The following TSEN54 variants were observed in gnomAD, a reference collection of about 807,000 sequenced individuals.
TSEN54 encodes the protein tRNA-splicing endonuclease subunit Sen54.
Under a neutral mutation model 61.9 loss-of-function variants are expected in TSEN54, and 55 were observed. The observed-to-expected ratio is 0.89, with a 90% CI of 0.72 to 1.11. The LOEUF (loss-of-function observed/expected upper bound fraction) is 1.11, where lower values mean the gene tolerates loss of function less well. Ranked by LOEUF, TSEN54 falls within the 50% of genes most tolerant of loss-of-function variation. The probability of loss-of-function intolerance (pLI) is 0.00; values close to 1 mark genes in which losing one functional copy is unlikely to be tolerated. For synonymous variants in TSEN54, 304 were observed against 288.7 expected (o/e 1.05, Z -0.54); for missense variants, 760 against 687.7 (o/e 1.11, Z -1.18).
At position 75,516,881 on chromosome 17, in the gene TSEN54, G is replaced by A; in HGVS notation, c.192G>A (p.Gln64=). The change falls in exon 2 of 11, where the codon CAG becomes CAA. Residue 64 remains glutamine, a synonymous_variant. Transcript: ENST00000333213. The part of the protein sequence containing the change: ...RLRRCREELW[Q]LLAEQRVERL... The stretch of plus-strand genomic sequence containing the variant: ...GCCGGTGCCGGGAAGAGCTCTGGCA[G>A]CTGCTGGCAGAGCAGCGCGTGGAGC... The A allele has an allele frequency of 2.6e-6, 4 of 1,557,036 alleles. No homozygotes were observed. Among genetic ancestry groups the A allele is most frequent in the Non-Finnish European group, 3.5e-6 (4 of 1,157,402 alleles).
chr17:75,519,575 CTTTTT>C (rs944415998), intron 6 of TSEN54, among the ~76,000 whole-genome samples: 105 of 152,204 alleles, frequency 6.9e-4, no homozygotes, highest in African/African-American at 2.1e-3. Flanking sequence ...CTTTTCTTTT[CTTTTT>C]GAGACGGAGT....
chr17:75,516,742 C>T lies in TSEN54; in HGVS notation c.57-4C>T, dbSNP rs2053371781. 1.3e-6 allele frequency: 2 copies of T among 1,555,378 alleles called. No homozygotes were observed. Among genetic ancestry groups the T allele is most frequent in the Non-Finnish European group, 1.7e-6 (2 of 1,159,356 alleles). ...CGCTGACCCCGCGTCCCCTTCTCCC[C>T]CAGCGCCCGGGAGCTCTTCGCCGCC... On this transcript the variant is annotated splice_region_variant and splice_polypyrimidine_tract_variant and intron_variant, in intron 1 of 10. Coordinates refer to ENST00000333213, the MANE Select transcript of TSEN54 (RefSeq NM_207346.3).
intron 1 of TSEN54, 41 bp from the exon 2 acceptor site, chr17:75,516,705 C>A: frequency 7.2e-7 from 1 of 1,387,114 alleles, no homozygotes; most frequent in Non-Finnish European, 9.3e-7. Flanking sequence ...CCAGGCGGCC[C>A]CCGATGCGCG....
Position 75,521,735 on chromosome 17 carries a change from C to G in TSEN54, c.654C>G (p.Asp218Glu), listed in dbSNP as rs544925716. 12 of 1,612,940 alleles carry G rather than the reference C, an allele frequency of 7.4e-6. No homozygotes were observed. The highest frequency in any genetic ancestry group is 1.0e-5 in the Non-Finnish European group (12 of 1,179,978). The change falls in exon 8 of 11, where the codon GAC becomes GAG. Residue 218 changes from aspartate (D) to glutamate (E), a missense_variant. Physicochemically the swap from Asp to Glu is conservative, Grantham distance 45. Transcript: ENST00000333213. ...TTAATAAGAAGGCCAAGGCCCTGGA[C>G]AACTCCCTGCAACCCAAGAGTCTGG... ...RSINKKAKAL[D>E]NSLQPKSLAA... is the part of the protein sequence containing the mutation.
At chr17:75,519,729 A>G (rs979130327) in intron 6 of TSEN54, among the ~76,000 whole-genome samples, 1 of 151,546 alleles carries the variant, frequency 6.6e-6, no homozygotes, top group Admixed American at 6.6e-5. Context: ...TGCCTGGCTA[A>G]TTTTTTTATT....
chr17:75,517,137 ACACTTGCTCTGGGCCC>A lies in TSEN54; in HGVS notation c.286-20_286-5del. 1 of 1,001,232 alleles carries A rather than the reference ACACTTGCTCTGGGCCC, an allele frequency of 1.0e-6. No homozygotes were observed. The highest frequency in any genetic ancestry group is 1.3e-5 in the South Asian group (1 of 76,712). The allele number at this position is 1,001,232 out of a possible 1,614,324, so 62.0% of individuals were successfully genotyped here. A position where few individuals can be genotyped will look rare whatever the true frequency, so the allele number is the denominator to read the frequency against. On this transcript the variant is annotated splice_region_variant and splice_polypyrimidine_tract_variant and intron_variant, in intron 3 of 10. Transcript: ENST00000333213. ...CCCTCCCTGCCCTCCCTCCCTTGTG[ACACTTGCTCTGGGCCC>A]CACACAGGGCAAATTCTGGCAGACC...
Position 75,517,044 on chromosome 17 carries a change from A to C in TSEN54, c.257A>C (p.Glu86Ala), listed in dbSNP as rs1262309875. 3 of 1,596,784 alleles carry C rather than the reference A, an allele frequency of 1.9e-6. No individual in the cohort carries two copies. The highest frequency in any genetic ancestry group is 2.3e-5 in the South Asian group (2 of 88,452). ...SLVAAEWRPE[E>A]GFVELKSPAG... is the part of the protein sequence containing the mutation. ...GTGGCTGCCGAGTGGAGGCCAGAAG[A>C]GGGCTTCGTGGAGTTGAAGTCTCCC... The change falls in exon 3 of 11, where the codon GAG becomes GCG. Residue 86 changes from glutamate to alanine, a missense_variant. Physicochemically the swap from Glu to Ala is moderately radical, Grantham distance 107. Around this residue, in one of 3 missense-constraint regions of TSEN54, gnomAD observed 667 missense variants for 577.8 expected, o/e 1.15. Coordinates refer to ENST00000333213, the MANE Select transcript of TSEN54 (RefSeq NM_207346.3).
chr17:75,521,933 C>G lies in TSEN54; in HGVS notation c.852C>G (p.Ala284=). The G allele has an allele frequency of 6.2e-7, 1 of 1,610,384 alleles. No individual in the cohort carries two copies. The highest frequency in any genetic ancestry group is 8.5e-7 in the Non-Finnish European group (1 of 1,179,048). ...GVGCSWESGR[A]ENGVTGAGKR... is the part of the protein sequence containing the mutation. Reference sequence around the variant, plus strand: ...GGTGCAGCTGGGAGAGTGGCAGAGCCGAGAACGGAGTCACGGGAGCCGGTA... The same window carrying G: ...GGTGCAGCTGGGAGAGTGGCAGAGCGGAGAACGGAGTCACGGGAGCCGGTA... Residue 284 remains alanine (A), a synonymous_variant, in exon 8 of 11, where the codon GCC becomes GCG. Coordinates refer to ENST00000333213, the MANE Select transcript of TSEN54 (RefSeq NM_207346.3).
In TSEN54 at chr17:75,517,540, G is replaced by T. The variant is rs2053386313; in HGVS notation, c.370-17G>T. On this transcript the variant is annotated splice_polypyrimidine_tract_variant and intron_variant, in intron 4 of 10. Transcript: ENST00000333213. Reference sequence around the variant, plus strand: ...GTAGTGAGGGCTCATAAGCTGAGCTGTTGGCCCCACTTCCAGGGCTCCATC... The same window carrying T: ...GTAGTGAGGGCTCATAAGCTGAGCTTTTGGCCCCACTTCCAGGGCTCCATC... 3.1e-6 allele frequency: 5 copies of T among 1,609,316 alleles called. No individual in the cohort carries two copies. The highest frequency in any genetic ancestry group is 3.4e-6 in the Non-Finnish European group (4 of 1,176,196).
At position 75,522,120 on chromosome 17, in the gene TSEN54, A is replaced by C. The variant is rs143604970; in HGVS notation, c.1039A>C (p.Lys347Gln). Residue 347 changes from lysine (K) to glutamine (Q), a missense_variant, in exon 8 of 11, where the codon AAG becomes CAG. Physicochemically the swap from Lys to Gln is moderately conservative, Grantham distance 53 (BLOSUM62 1). This residue lies in a region of TSEN54 where 667 missense variants were observed against 577.8 expected (regional missense o/e 1.15). Coordinates refer to ENST00000333213, the MANE Select transcript of TSEN54 (RefSeq NM_207346.3). ...CCAGAAGCTGAACCAGCGCAAGGAG[A>C]AGCTCTCCAGGCGGGAACGGGAGCA... is the stretch of plus-strand genomic sequence containing the variant. ...WCQKLNQRKE[K>Q]LSRREREHHA... The C allele has an allele frequency of 2.5e-6, 4 of 1,577,112 alleles. No homozygotes were observed. Among genetic ancestry groups the C allele is most frequent in the Non-Finnish European group, 3.4e-6 (4 of 1,161,148 alleles).
rs1317378521 is a variant in TSEN54 at position 75,524,601 on chromosome 17, A to G, written c.*189A>G. On this transcript the variant is annotated 3_prime_UTR_variant, in exon 11 of 11. Coordinates refer to ENST00000333213, the MANE Select transcript of TSEN54 (RefSeq NM_207346.3). ...CCCTCTCCCTTCCCTGCTGCCTTGC[A>G]GTGACCCCTCTGGAACTCAGGACTC... is the stretch of plus-strand genomic sequence containing the variant. 2 of 763,286 alleles carry G rather than the reference A, an allele frequency of 2.6e-6. No homozygotes were observed. The highest frequency in any genetic ancestry group is 2.7e-5 in the East Asian group (1 of 37,156). The allele number at this position is 763,286 out of a possible 1,614,324, so 47.3% of individuals were successfully genotyped here. A position where few individuals can be genotyped will look rare whatever the true frequency, so the allele number is the denominator to read the frequency against.
chr17:75,517,279 G>A (rs1215219910), intron 4 of TSEN54, 35 bp downstream of exon 4: 7 of 1,566,600 alleles, frequency 4.5e-6, no homozygotes, highest in Non-Finnish European at 6.1e-6. Flanking sequence ...AAGGAGTTGG[G>A]ACCAAAGAAC....
intron 4 of TSEN54, 51 bp downstream of exon 4, chr17:75,517,295 G>A (rs1244310427): frequency 6.5e-7 from 1 of 1,548,736 alleles, no homozygotes; most frequent in South Asian, 1.2e-5. Context: ...AGAACGGGAA[G>A]GACACGTTTT....
Position 75,523,297 on chromosome 17 carries a change from T to C in TSEN54, c.1275T>C (p.Ser425=), listed in dbSNP as rs374887965. The C allele has an allele frequency of 5.6e-6, 9 of 1,614,192 alleles. No individual in the cohort carries two copies. Among genetic ancestry groups the C allele is most frequent in the Non-Finnish European group, 7.6e-6 (9 of 1,180,032 alleles). The change falls in exon 9 of 11, where the codon TCT becomes TCC. Residue 425 remains serine, a synonymous_variant. Coordinates refer to ENST00000333213, the MANE Select transcript of TSEN54 (RefSeq NM_207346.3). ...TAGCCGTGGTCCTTCAGCATATCTC[T>C]GTGCTGCAGACAACACACCTTCCTG... ...SSPAVVLQHI[S]VLQTTHLPDG...
chr17:75,521,814 C>A lies in TSEN54; in HGVS notation c.733C>A (p.Pro245Thr). The A allele has an allele frequency of 6.2e-7, 1 of 1,613,050 alleles. No homozygotes were observed. The highest frequency in any genetic ancestry group is 8.5e-7 in the Non-Finnish European group (1 of 1,179,988). Residue 245 changes from proline to threonine, a missense_variant, in exon 8 of 11, where the codon CCC (proline) becomes ACC (threonine). By Grantham distance (38) the Pro-to-Thr change is conservative (BLOSUM62 -1). Around this residue, in one of 3 missense-constraint regions of TSEN54, gnomAD observed 667 missense variants for 577.8 expected, o/e 1.15. Transcript: ENST00000333213. ...SQPSQCPEEK[P>T]QESSPMKGPG... is the part of the protein sequence containing the mutation. ...GCCCAGCCAATGCCCAGAGGAGAAA[C>A]CCCAGGAGTCAAGCCCCATGAAGGG... is the stretch of plus-strand genomic sequence containing the variant.
Position 75,521,946 on chromosome 17 carries a change from A to G in TSEN54, c.865A>G (p.Thr289Ala). 6.2e-7 allele frequency: 1 copy of G among 1,610,428 alleles called. No individual in the cohort carries two copies. Among genetic ancestry groups the G allele is most frequent in the Non-Finnish European group, 8.5e-7 (1 of 1,179,134 alleles). ...WESGRAENGV[T>A]GAGKRRWNFE... The stretch of plus-strand genomic sequence containing the variant: ...GAGTGGCAGAGCCGAGAACGGAGTC[A>G]CGGGAGCCGGTAAGCGGCGCTGGAA... The change falls in exon 8 of 11, where the codon ACG (threonine) becomes GCG (alanine). Residue 289 changes from threonine to alanine, a missense_variant. Around this residue, in one of 3 missense-constraint regions of TSEN54, gnomAD observed 667 missense variants for 577.8 expected, o/e 1.15. Transcript: ENST00000333213.
At position 75,522,149 on chromosome 17, in the gene TSEN54, C is replaced by G. The variant is rs774893413; in HGVS notation, c.1068C>G (p.His356Gln). The change falls in exon 8 of 11, where the codon CAC becomes CAG. Residue 356 changes from histidine (H) to glutamine (Q), a missense_variant. Transcript: ENST00000333213. Reference protein sequence around the residue: ...EKLSRREREHHAEAAQFQEDV... With the variant: ...EKLSRREREHQAEAAQFQEDV... ...TCTCCAGGCGGGAACGGGAGCACCA[C>G]GCGGAGGCCGCGCAGTTCCAGGAAG... 6.4e-7 allele frequency: 1 copy of G among 1,556,990 alleles called. No homozygotes were observed. The highest frequency in any genetic ancestry group is 8.7e-7 in the Non-Finnish European group (1 of 1,149,064).
chr17:75,522,359 C>G, intron 8 of TSEN54, 26 bp downstream of exon 8: 1 of 1,542,682 alleles, frequency 6.5e-7, no homozygotes, highest in Non-Finnish European at 8.7e-7. Context: ...GCCACATCTT[C>G]GAGGGCCACT....
rs2053372201 is a variant in TSEN54, at chr17:75,516,768, C to T, written c.79C>T (p.Arg27Cys). Residue 27 changes from arginine to cysteine, a missense_variant, in exon 2 of 11, where the codon CGC becomes TGC. By Grantham distance (180) the Arg-to-Cys change is radical. This residue lies in a region of TSEN54 where 667 missense variants were observed against 577.8 expected (regional missense o/e 1.15). Coordinates refer to ENST00000333213, the MANE Select transcript of TSEN54 (RefSeq NM_207346.3). Reference protein sequence around the residue: ...VLSARELFAARSRSQKLPQRS... With the variant: ...VLSARELFAACSRSQKLPQRS... ...CAGCGCCCGGGAGCTCTTCGCCGCC[C>T]GCTCGCGGTCGCAGAAGCTGCCCCA... The T allele has an allele frequency of 6.3e-7, 1 of 1,577,416 alleles. No homozygotes were observed. Among genetic ancestry groups the T allele is most frequent in the Non-Finnish European group, 8.5e-7 (1 of 1,170,100 alleles).
Sources: gnomAD v4.1 joint callset for allele counts (sites outside exome capture counted in the v4.1 genomes callset) on GRCh38, gnomAD v4.1.1 for gene constraint, gnomAD v4.1.1 regional missense constraint, MANE v1.5 for transcripts, NCBI Gene and HGNC (gene_info 2026-07-23, HGNC 2026-07-21) for gene names.